Variants in PALM2AKAP2 observed in about 807,000 individuals in gnomAD.
PALM2AKAP2 encodes the protein PALM2 and AKAP2 fusion.
Under a neutral mutation model 71.5 loss-of-function variants are expected in PALM2AKAP2, and 37 were observed. The observed-to-expected ratio is 0.52, with a 90% CI of 0.40 to 0.68. PALM2AKAP2 has a LOEUF of 0.68. PALM2AKAP2 is among the 30% of genes least tolerant of loss of function. PALM2AKAP2 has a pLI of 0.00. For missense variants in PALM2AKAP2, 1,224 were observed against 1,191.8 expected, an observed-to-expected ratio of 1.03 and a Z score of -0.40; for synonymous variants, 468 against 478.8, an observed-to-expected ratio of 0.98 and a Z score of 0.29.
intron 6 of PALM2AKAP2, among the ~76,000 whole-genome samples, chr9:109,972,644 G>A (rs1050492317): frequency 1.3e-5 from 2 of 152,158 alleles, no homozygotes; most frequent in Non-Finnish European, 2.9e-5. Flanking sequence ...GCCACTAGGG[G>A]CATAATGAAG....
At chr9:110,020,887 C>G (rs974322523) in intron 7 of PALM2AKAP2, among the ~76,000 whole-genome samples, 2 of 152,014 alleles carry the variant, frequency 1.3e-5, no homozygotes, top group African/African-American at 4.8e-5. Flanking sequence ...GTGGGTAGAT[C>G]ACTTGAGGCC....
chr9:109,731,990 GC>G (rs1828563043), intron 1 of PALM2AKAP2, among the ~76,000 whole-genome samples: 1 of 152,178 alleles, frequency 6.6e-6, no homozygotes, highest in Admixed American at 6.5e-5. Flanking sequence ...CCAGATTTCA[GC>G]CAGGTCTGCG....
chr9:109,917,753 C>G (rs981668560), intron 3 of PALM2AKAP2, among the ~76,000 whole-genome samples: 2 of 152,166 alleles, frequency 1.3e-5, no homozygotes, highest in Admixed American at 1.3e-4. Context: ...CTCAGTCTCC[C>G]AAAGTGCTGG....
At chr9:109,814,828 A>G (rs1827812298) in intron 1 of PALM2AKAP2, among the ~76,000 whole-genome samples, 3 of 152,346 alleles carry the variant, frequency 2.0e-5, no homozygotes, top group African/African-American at 7.2e-5. Context: ...GTTTGAGATA[A>G]TGGTGAGAAT....
intron 1 of PALM2AKAP2, among the ~76,000 whole-genome samples, chr9:109,678,555 T>TG (rs1209768799): frequency 6.6e-6 from 1 of 152,208 alleles, no homozygotes; most frequent in Non-Finnish European, 1.5e-5. Context: ...ATAACAGCGT[T>TG]GGGTTTCATT....
At chr9:110,091,310 G>A (rs577424527) in intron 1 of PALM2AKAP2, among the ~76,000 whole-genome samples, 1 of 152,136 alleles carries the variant, frequency 6.6e-6, no homozygotes, top group South Asian at 2.1e-4. Flanking sequence ...CTTAACTAAA[G>A]AGAGGTAACT....
chr9:109,867,469 C>T (rs752983504), intron 1 of PALM2AKAP2, 22 bp from the exon 2 acceptor site: 2 of 1,609,648 alleles, frequency 1.2e-6, no homozygotes, highest in South Asian at 2.2e-5. Flanking sequence ...ACTCTTACAG[C>T]CTCTGTCTCT....
At chr9:110,007,786 G>A (rs1462664683) in intron 6 of PALM2AKAP2, among the ~76,000 whole-genome samples, 1 of 152,112 alleles carries the variant, frequency 6.6e-6, no homozygotes, top group Non-Finnish European at 1.5e-5. Flanking sequence ...CATGTGCATG[G>A]GAGCCTTCAG....
intron 1 of PALM2AKAP2, among the ~76,000 whole-genome samples, chr9:110,085,952 C>T (rs1834562323): frequency 1.3e-5 from 2 of 151,860 alleles, no homozygotes; most frequent in Admixed American, 6.6e-5. Flanking sequence ...ACTAAAAATA[C>T]AAAAATTACC....
chr9:109,782,584 G>A (rs984393225), intron 1 of PALM2AKAP2, among the ~76,000 whole-genome samples: 1 of 152,140 alleles, frequency 6.6e-6, no homozygotes, highest in Admixed American at 6.5e-5. Flanking sequence ...GTATGTGGGA[G>A]GATGTGAGTA....
intron 1 of PALM2AKAP2, among the ~76,000 whole-genome samples, chr9:109,846,631 C>A (rs73535549): frequency 0.025 from 3,819 of 152,296 alleles, 182 homozygotes; most frequent in African/African-American, 0.087. Flanking sequence ...GCCTTAATCC[C>A]TTCATCTGCA....
intron 1 of PALM2AKAP2, among the ~76,000 whole-genome samples, chr9:109,706,393 A>T (rs1161715461): frequency 6.6e-6 from 1 of 152,228 alleles, no homozygotes; most frequent in Non-Finnish European, 1.5e-5. Flanking sequence ...ATTATGAAAG[A>T]TACAAATAAT....
chr9:109,742,250 TTC>T (rs1828725866), intron 1 of PALM2AKAP2, among the ~76,000 whole-genome samples: 1 of 124,162 alleles, frequency 8.1e-6, no homozygotes, highest in Non-Finnish European at 1.7e-5. Context: ...ATGTGATGTA[TTC>T]ACACACACAC....
chr9:109,731,264 C>T (rs887308790), intron 1 of PALM2AKAP2, among the ~76,000 whole-genome samples: 4 of 152,232 alleles, frequency 2.6e-5, no homozygotes, highest in Admixed American at 1.3e-4. Context: ...ATCAATAAGG[C>T]TGCATGAATT....
intron 1 of PALM2AKAP2, among the ~76,000 whole-genome samples, chr9:109,710,874 A>G (rs536779462): frequency 6.6e-6 from 1 of 152,250 alleles, no homozygotes; most frequent in Non-Finnish European, 1.5e-5. Context: ...TGAAGTTGAT[A>G]TACCTTCTGG....
chr9:109,696,574 C>CT (rs1393922351), intron 1 of PALM2AKAP2, among the ~76,000 whole-genome samples: 1 of 152,172 alleles, frequency 6.6e-6, no homozygotes, highest in African/African-American at 2.4e-5. Context: ...TATTTCGCTT[C>CT]TAGTCATTGA....
At chr9:110,133,325 TTCAC>T (rs1245241572) in intron 1 of PALM2AKAP2, among the ~76,000 whole-genome samples, 25 of 152,336 alleles carry the variant, frequency 1.6e-4, no homozygotes, top group Non-Finnish European at 7.4e-5. Flanking sequence ...AAGCAATTTC[TTCAC>T]TTGCCTGATT....
intron 7 of PALM2AKAP2, among the ~76,000 whole-genome samples, chr9:110,023,037 A>G (rs969246300): frequency 3.3e-5 from 5 of 152,234 alleles, no homozygotes; most frequent in Admixed American, 3.3e-4. Context: ...CACAATAAAC[A>G]TACGTGTGCA....
chr9:109,887,708 G>A (rs1291744575), intron 3 of PALM2AKAP2, among the ~76,000 whole-genome samples: 2 of 151,950 alleles, frequency 1.3e-5, no homozygotes, highest in East Asian at 3.9e-4. Context: ...AAAATTCAAT[G>A]GAAGGACATA....
Sources: allele counts gnomAD v4.1 joint callset (sites outside exome capture counted in the v4.1 genomes callset), GRCh38; gene constraint gnomAD v4.1.1; transcripts MANE v1.5; gene names NCBI Gene and HGNC (gene_info 2026-07-23, HGNC 2026-07-21).